The following CHDH variants were observed in gnomAD, a reference collection of about 807,000 sequenced individuals.
CHDH encodes the protein choline dehydrogenase, mitochondrial.
Under a neutral mutation model 56.9 loss-of-function variants are expected in CHDH, and 43 were observed. The ratio of observed to expected loss-of-function variants is 0.76; its 90% confidence interval spans 0.59 to 0.97. CHDH has a LOEUF of 0.97. CHDH is among the 50% of genes least tolerant of loss of function. The probability of loss-of-function intolerance (pLI) is 0.00; values close to 1 mark genes in which losing one functional copy is unlikely to be tolerated. For missense variants in CHDH, 816 were observed against 821.1 expected (o/e 0.99, Z 0.08); for synonymous variants, 364 against 348.5 (o/e 1.04, Z -0.50).
intron 2 of CHDH, among the ~76,000 whole-genome samples, chr3:53,830,881 A>C (rs1698312264): frequency 6.6e-6 from 1 of 151,496 alleles, no homozygotes; most frequent in Non-Finnish European, 1.5e-5. Flanking sequence ...TTTGACAACT[A>C]TCTGCACAAA....
chr3:53,833,306 T>G (rs1283682854), intron 2 of CHDH, among the ~76,000 whole-genome samples: 3 of 152,130 alleles, frequency 2.0e-5, no homozygotes, highest in Non-Finnish European at 4.4e-5. Flanking sequence ...CCACCCCGTA[T>G]CACAACTCTG....
At chr3:53,838,321 C>T (rs1459638879) in intron 2 of CHDH, among the ~76,000 whole-genome samples, 1 of 145,366 alleles carries the variant, frequency 6.9e-6, no homozygotes, top group South Asian at 2.2e-4. Context: ...CTCCCAGAGT[C>T]AAGCACCTGA....
chr3:53,846,414 G>A lies in CHDH; in HGVS notation c.-462C>T. Reference sequence around the variant, plus strand: ...CGGCCCATCCCTCCGAGCCCCAGCAGGCGAGGGCGCTGCGACCTGCCCCAG... The same window carrying A: ...CGGCCCATCCCTCCGAGCCCCAGCAAGCGAGGGCGCTGCGACCTGCCCCAG... On this transcript the variant is annotated 5_prime_UTR_variant, in exon 1 of 9. Coordinates refer to ENST00000315251, the MANE Select transcript of CHDH (RefSeq NM_018397.5). 4 of 608,276 alleles carry A rather than the reference G, an allele frequency of 6.6e-6. No homozygotes were observed. The highest frequency in any genetic ancestry group is 1.1e-5 in the Non-Finnish European group (4 of 376,900). 37.7% of individuals were successfully genotyped at this position (608,276 alleles called of 1,614,324 possible).
chr3:53,833,837 C>A (rs1698413844), intron 2 of CHDH, among the ~76,000 whole-genome samples: 1 of 152,148 alleles, frequency 6.6e-6, no homozygotes, highest in East Asian at 1.9e-4. Flanking sequence ...ACCTTCCAGT[C>A]AAGAGGAAAA....
intron 2 of CHDH, among the ~76,000 whole-genome samples, chr3:53,824,347 G>A (rs1467593161): frequency 6.6e-6 from 1 of 152,182 alleles, no homozygotes; most frequent in East Asian, 1.9e-4. Context: ...GACTGGGCTG[G>A]AGTCTGCCTG....
rs183893462 is a variant in CHDH at position 53,826,070 on chromosome 3, C to T, written c.-59-2003G>A. Among the ~76,000 whole-genome samples, 1,073 of 152,116 alleles carry T rather than the reference C, an allele frequency of 7.1e-3. 6 individuals are homozygous for T. The highest frequency in any genetic ancestry group is 0.013 in the Non-Finnish European group (853 of 67,988). On this transcript the variant is annotated intron_variant, in intron 2 of 8. Transcript: ENST00000315251. ...GAAAGATACAAGCTGCCAAAACTCA[C>T]ACAAGCAGAAAGACACTCCAGATAA...
rs571855437 is a variant in CHDH at position 53,814,202 on chromosome 3, T to G, written c.*3575A>C. On this transcript the variant is annotated 3_prime_UTR_variant, in exon 9 of 9. Coordinates refer to ENST00000315251, the MANE Select transcript of CHDH (RefSeq NM_018397.5). Reference sequence around the variant, plus strand: ...ACTGGAGCAGTTTCACCTTGTGTACTTCTCAGCATCGTAAGTGTCTTTGCC... The same window carrying G: ...ACTGGAGCAGTTTCACCTTGTGTACGTCTCAGCATCGTAAGTGTCTTTGCC... 1 of 152,346 alleles carries G rather than the reference T, an allele frequency of 6.6e-6. No individual in the cohort carries two copies. Among genetic ancestry groups the G allele is most frequent in the East Asian group, 1.9e-4 (1 of 5,178 alleles). The allele number at this position is 152,346 out of a possible 1,614,324, so 9.4% of individuals were successfully genotyped here.
At chr3:53,843,762 A>C (rs765621189) in intron 1 of CHDH, among the ~76,000 whole-genome samples, 19 of 152,146 alleles carry the variant, frequency 1.2e-4, no homozygotes, top group Non-Finnish European at 2.6e-4. Flanking sequence ...TGAAGGGAGA[A>C]GGTCAGAAAA....
At position 53,819,499 on chromosome 3, in the gene CHDH, T is replaced by C. The variant is rs777384961; in HGVS notation, c.1263+33A>G. On this transcript the variant is annotated intron_variant, in intron 7 of 8. Transcript: ENST00000315251. This position sits in a 1 kb window ranked among gnomAD's most constrained non-coding sequence, Gnocchi z 5.4. ...CTTCCTTCCTGGTGGGAAGGAGACA[T>C]CCTGGGAAGCCGAGGCTCTTCCACC... The C allele has an allele frequency of 3.2e-6, 5 of 1,578,156 alleles. No individual in the cohort carries two copies. The South Asian group carries it at 5.9e-5, about 19-fold the overall frequency.
intron 6 of CHDH, among the ~76,000 whole-genome samples, chr3:53,820,191 A>G (rs1268870792): frequency 2.6e-5 from 4 of 152,104 alleles, no homozygotes; most frequent in Non-Finnish European, 5.9e-5. Context: ...ATCCCTGCTC[A>G]TCCGTAAGGA....
Position 53,822,518 on chromosome 3 carries a change from C to T in CHDH, c.828G>A (p.Glu276=), listed in dbSNP as rs764679596. The change falls in exon 4 of 9, where the codon GAG becomes GAA. Residue 276 remains glutamate, a synonymous_variant. Coordinates refer to ENST00000315251, the MANE Select transcript of CHDH (RefSeq NM_018397.5). ...TGTGGCTCTGGCCATTCTTGACATA[C>T]TCCACGCCCACTGCACGGGTGCCCT... ...LFEGTRAVGV[E]YVKNGQSHRA... The T allele has an allele frequency of 3.1e-6, 5 of 1,613,576 alleles. No individual in the cohort carries two copies. Among genetic ancestry groups the T allele is most frequent in the African/African-American group, 1.3e-5 (1 of 75,058 alleles).
At chr3:53,831,384 A>T (rs973301715) in intron 2 of CHDH, among the ~76,000 whole-genome samples, 1 of 152,200 alleles carries the variant, frequency 6.6e-6, no homozygotes, top group African/African-American at 2.4e-5. Context: ...ACCGCTGGCT[A>T]ACTGTAGAGC....
intron 2 of CHDH, among the ~76,000 whole-genome samples, chr3:53,828,067 C>T (rs192926866): frequency 5.9e-5 from 9 of 152,026 alleles, no homozygotes; most frequent in Non-Finnish European, 1.3e-4. Flanking sequence ...CAGAAATAGA[C>T]CCATATAAAT....
chr3:53,813,291 A>G lies in CHDH; in HGVS notation c.*4486T>C, dbSNP rs2095608800. Reference sequence around the variant, plus strand: ...TAAATCCTTTTTTATTAAAATGCAAAATGTTCTTCAGAATAAAACTGTGTA... The same window carrying G: ...TAAATCCTTTTTTATTAAAATGCAAGATGTTCTTCAGAATAAAACTGTGTA... On this transcript the variant is annotated 3_prime_UTR_variant, in exon 9 of 9. Transcript: ENST00000315251. 1.3e-5 allele frequency: 2 copies of G among 152,170 alleles called. No homozygotes were observed. Among genetic ancestry groups the G allele is most frequent in the African/African-American group, 4.8e-5 (2 of 41,432 alleles). 9.4% of individuals were successfully genotyped at this position (152,170 alleles called of 1,614,324 possible). A position where few individuals can be genotyped will look rare whatever the true frequency, so the allele number is the denominator to read the frequency against.
Position 53,818,087 on chromosome 3 carries a change from A to C in CHDH, c.1475T>G (p.Ile492Ser), listed in dbSNP as rs773678383. ...RGKELQPGSH[I>S]QSDKEIDAFV... ...GGCATCTATCTCTTTATCTGACTGA[A>C]TGTGGCTTCCTGGCTGGAGCTCTTT... The change falls in exon 9 of 9, where the codon ATT (isoleucine) becomes AGT (serine). Residue 492 changes from isoleucine (I) to serine (S), a missense_variant. Ile to Ser is a moderately radical substitution (Grantham distance 142). Transcript: ENST00000315251. The C allele has an allele frequency of 2.6e-5, 42 of 1,614,064 alleles. No individual in the cohort carries two copies. The South Asian group carries it at 4.5e-4, about 17-fold the overall frequency.
At position 53,814,808 on chromosome 3, in the gene CHDH, C is replaced by CA. The variant is rs2095613004; in HGVS notation, c.*2968dup. ...CCAAGTAGCTGGGACTACAGGCGTG[C>CA]ACCACCATGCCCAGCTAATTTTTGT... On this transcript the variant is annotated 3_prime_UTR_variant, in exon 9 of 9. Transcript: ENST00000315251. 6.6e-6 allele frequency: 1 copy of CA among 151,984 alleles called. No individual in the cohort carries two copies. The highest frequency in any genetic ancestry group is 2.4e-5 in the African/African-American group (1 of 41,360). 9.4% of individuals were successfully genotyped at this position (151,984 alleles called of 1,614,324 possible).
intron 2 of CHDH, among the ~76,000 whole-genome samples, chr3:53,826,364 AAACACTC>A (rs2095639119): frequency 6.6e-6 from 1 of 152,156 alleles, no homozygotes; most frequent in African/African-American, 2.4e-5. Context: ...ACATAGATAA[AAACACTC>A]AACAAAAATA....
intron 2 of CHDH, among the ~76,000 whole-genome samples, chr3:53,829,580 A>C (rs1335541134): frequency 1.3e-5 from 2 of 152,182 alleles, no homozygotes; most frequent in East Asian, 3.8e-4. Context: ...ACTATAATAG[A>C]GCCTGACTCC....
In CHDH at chr3:53,817,988, G is replaced by A; in HGVS notation, c.1574C>T (p.Thr525Ile). The A allele has an allele frequency of 6.2e-7, 1 of 1,614,226 alleles. No homozygotes were observed. The highest frequency in any genetic ancestry group is 1.3e-5 in the African/African-American group (1 of 75,072). The change falls in exon 9 of 9, where the codon ACT becomes ATT. Residue 525 changes from threonine to isoleucine, a missense_variant. Physicochemically the swap from Thr to Ile is moderately conservative, Grantham distance 89 (BLOSUM62 -1). Coordinates refer to ENST00000315251, the MANE Select transcript of CHDH (RefSeq NM_018397.5). Reference sequence around the variant, plus strand: ...CCTTGTCTGCGGATCCACCACGGCAGTGGGATCGGAGGGCTGGCCCATCTT... The same window carrying A: ...CCTTGTCTGCGGATCCACCACGGCAATGGGATCGGAGGGCTGGCCCATCTT... ...TCKMGQPSDP[T>I]AVVDPQTRVL... is the part of the protein sequence containing the mutation.
Sources: gnomAD v4.1 joint callset for allele counts (sites outside exome capture counted in the v4.1 genomes callset) on GRCh38, gnomAD v4.1.1 for gene constraint, Gnocchi (gnomAD v3.1) non-coding constraint, MANE v1.5 for transcripts, NCBI Gene and HGNC (gene_info 2026-07-23, HGNC 2026-07-21) for gene names.